Variants in TGFBRAP1 observed in about 807,000 individuals in gnomAD.
TGFBRAP1 encodes the protein transforming growth factor-beta receptor-associated protein 1.
Under a neutral mutation model 83.2 loss-of-function variants are expected in TGFBRAP1, and 20 were observed. The ratio of observed to expected loss-of-function variants is 0.24; its 90% CI spans 0.17 to 0.35. The LOEUF (loss-of-function observed/expected upper bound fraction) is 0.35, where lower values mean the gene tolerates loss of function less well. Ranked by LOEUF, TGFBRAP1 falls within the 10% of genes least tolerant of loss-of-function variation. The pLI is 1.00. For synonymous variants in TGFBRAP1, 415 were observed against 459.8 expected, an observed-to-expected ratio of 0.90 and a Z score of 1.25; for missense variants, 950 against 1,099.4, an observed-to-expected ratio of 0.86 and a Z score of 1.92.
the TGFBRAP1 span, chr2:105,249,844 A>G: frequency 6.6e-6 from 1 of 152,218 alleles, no homozygotes; most frequent in Non-Finnish European, 1.5e-5. Context: ...GGGCACCATA[A>G]TTTAACTATT....
At chr2:105,279,052 C>T (rs544060205) in intron 6 of TGFBRAP1, among the ~76,000 whole-genome samples, 1 of 151,918 alleles carries the variant, frequency 6.6e-6, no homozygotes, top group South Asian at 2.1e-4. Context: ...AAATCATAGA[C>T]CGAAAAAATC....
intron 8 of TGFBRAP1, 113 bp downstream of exon 8, chr2:105,275,447 A>AG: frequency 6.8e-7 from 1 of 1,470,774 alleles, no homozygotes; most frequent in South Asian, 1.4e-5. Flanking sequence ...AACAAAAAAC[A>AG]GAGGAGGAGG....
chr2:105,329,729 C>T lies in TGFBRAP1; in HGVS notation c.-122G>A, dbSNP rs930425297. ...GGCCCGACCCCGCAGCCGCCGCTTC[C>T]CGTCACGTGGGGCGGCCGCCAGGCG... On this transcript the variant is annotated 5_prime_UTR_variant, in exon 1 of 12. Transcript: ENST00000393359. 8.8e-5 allele frequency: 13 copies of T among 147,984 alleles called. No individual in the cohort carries two copies. Among genetic ancestry groups the T allele is most frequent in the South Asian group, 1.9e-4 (1 of 5,318 alleles). The allele number at this position is 147,984 out of a possible 1,614,324, so 9.2% of individuals were successfully genotyped here.
At chr2:105,278,512 T>A (rs910219073) in intron 6 of TGFBRAP1, among the ~76,000 whole-genome samples, 10 of 152,062 alleles carry the variant, frequency 6.6e-5, no homozygotes, top group Non-Finnish European at 8.8e-5. Flanking sequence ...GGGTTTCAAG[T>A]CCAGCTTCAT....
intron 1 of TGFBRAP1, among the ~76,000 whole-genome samples, chr2:105,321,474 G>C (rs918438465): frequency 6.6e-6 from 1 of 151,958 alleles, no homozygotes; most frequent in African/African-American, 2.4e-5. Context: ...GGCCTACAAT[G>C]ATGTTTTTCA....
chr2:105,299,009 T>C (rs1678188200), intron 2 of TGFBRAP1, among the ~76,000 whole-genome samples: 1 of 152,212 alleles, frequency 6.6e-6, no homozygotes, highest in Non-Finnish European at 1.5e-5. Context: ...CCGGACGTGG[T>C]GGCTCACACC....
chr2:105,299,636 T>C (rs56011854), intron 2 of TGFBRAP1, among the ~76,000 whole-genome samples: 13,902 of 151,996 alleles, frequency 0.091, 803 homozygotes, highest in Non-Finnish European at 0.13. Context: ...GGTGCGTGTC[T>C]ATAATCCCAG....
At chr2:105,296,532 T>C (rs776293000) in intron 3 of TGFBRAP1, 22 bp from the exon 4 acceptor site, 1 of 1,596,694 alleles carries the variant, frequency 6.3e-7, no homozygotes, top group Non-Finnish European at 8.5e-7. Flanking sequence ...TTCAGCATTG[T>C]TGGAAAGAGA....
At chr2:105,319,461 G>A (rs183766551) in intron 1 of TGFBRAP1, among the ~76,000 whole-genome samples, 43 of 150,452 alleles carry the variant, frequency 2.9e-4, no homozygotes, top group African/African-American at 9.4e-4. Flanking sequence ...GGAGACTGAG[G>A]TGGGTAGATC....
intron 4 of TGFBRAP1, among the ~76,000 whole-genome samples, chr2:105,294,960 G>C (rs1283824037): frequency 1.3e-5 from 2 of 152,154 alleles, no homozygotes; most frequent in Non-Finnish European, 2.9e-5. Flanking sequence ...CAGGAGAGGA[G>C]AAGGGGCTGA....
chr2:105,259,836 T>A (rs1394878237), downstream of TGFBRAP1, among the ~76,000 whole-genome samples: 1 of 152,062 alleles, frequency 6.6e-6, no homozygotes, highest in Non-Finnish European at 1.5e-5. Flanking sequence ...CCTTTCCTTG[T>A]TGGCAAAGGA....
chr2:105,281,932 C>T (rs980136490), intron 5 of TGFBRAP1, among the ~76,000 whole-genome samples: 2 of 152,012 alleles, frequency 1.3e-5, no homozygotes, highest in Non-Finnish European at 2.9e-5. Flanking sequence ...CCATTAAACA[C>T]CCTGTAATGC....
intron 1 of TGFBRAP1, among the ~76,000 whole-genome samples, chr2:105,319,374 T>G (rs939735476): frequency 6.7e-6 from 1 of 149,988 alleles, no homozygotes; most frequent in Non-Finnish European, 1.5e-5. Context: ...GAGCAATATT[T>G]TAAGTAGATA....
chr2:105,261,446 G>A (rs1035452258), downstream of TGFBRAP1, among the ~76,000 whole-genome samples: 1 of 152,116 alleles, frequency 6.6e-6, no homozygotes, highest in Non-Finnish European at 1.5e-5. Context: ...GTGAAACCTA[G>A]AGCACATGAG....
At chr2:105,318,184 A>C (rs1165849805) in intron 1 of TGFBRAP1, among the ~76,000 whole-genome samples, 1 of 152,218 alleles carries the variant, frequency 6.6e-6, no homozygotes, top group African/African-American at 2.4e-5. Context: ...TTTGAGACAC[A>C]GGAAAACTAG....
intron 4 of TGFBRAP1, among the ~76,000 whole-genome samples, chr2:105,287,970 G>T (rs114982347): frequency 1.3e-3 from 205 of 152,084 alleles, no homozygotes; most frequent in African/African-American, 4.7e-3. Context: ...TCAAACATGG[G>T]GCCTCAGGTG....
chr2:105,273,514 A>G (rs1677230927), intron 9 of TGFBRAP1, 30 bp downstream of exon 9: 1 of 1,611,524 alleles, frequency 6.2e-7, no homozygotes, highest in Non-Finnish European at 8.5e-7. Context: ...TCCAGCCCAC[A>G]CTCTTTAGTC....
intron 11 of TGFBRAP1, among the ~76,000 whole-genome samples, chr2:105,268,621 G>A (rs1395640389): frequency 6.6e-6 from 1 of 152,206 alleles, no homozygotes; most frequent in Non-Finnish European, 1.5e-5. Flanking sequence ...GGAGGGATAT[G>A]CTGAAGGAGG....
chr2:105,255,032 C>T, the TGFBRAP1 span, among the ~76,000 whole-genome samples: 1 of 152,182 alleles, frequency 6.6e-6, no homozygotes, highest in Non-Finnish European at 1.5e-5. Flanking sequence ...TATTTTGTTA[C>T]AGCAGACCAA....
Sources: allele counts gnomAD v4.1 joint callset (sites outside exome capture counted in the v4.1 genomes callset), GRCh38; gene constraint gnomAD v4.1.1; transcripts MANE v1.5; gene names NCBI Gene and HGNC (gene_info 2026-07-23, HGNC 2026-07-21).